Variants in DLGAP2 observed in about 807,000 individuals in gnomAD.
DLGAP2 encodes the protein DLG associated protein 2, also known as disks large-associated protein 2.
In DLGAP2, 26 loss-of-function variants were observed where a neutral mutation model predicts 100.3. The observed-to-expected ratio is 0.26, with a 90% CI of 0.19 to 0.36. DLGAP2 has a LOEUF of 0.36. Ranked by LOEUF, DLGAP2 falls within the 10% of genes least tolerant of loss-of-function variation. The probability of loss-of-function intolerance (pLI) is 1.00; values close to 1 mark genes in which losing one functional copy is unlikely to be tolerated. For missense variants in DLGAP2, 1,858 were observed against 1,453.2 expected (o/e 1.28, Z -4.53); for synonymous variants, 886 against 630.1 (o/e 1.41, Z -6.08).
rs760579742 is a variant in DLGAP2, at chr8:1,151,637, G to C, written c.74-107214G>C. Reference sequence around the variant, plus strand: ...GTGCACTGGCTTTAGGTAGAAAGGAGGAGGGCAGAGAGCTCTTCCGGTGCC... The same window carrying C: ...GTGCACTGGCTTTAGGTAGAAAGGACGAGGGCAGAGAGCTCTTCCGGTGCC... On this transcript the variant is annotated intron_variant, in intron 2 of 14. Coordinates refer to ENST00000637795, the MANE Select transcript of DLGAP2 (RefSeq NM_001346810.2). Among the ~76,000 whole-genome samples the C allele has an allele frequency of 6.8e-4, 103 of 152,340 alleles. No homozygotes were observed. In the Middle Eastern group the frequency reaches 0.014, roughly 20 times the overall value.
intron 8 of DLGAP2, among the ~76,000 whole-genome samples, chr8:1,654,145 G>A (rs1798229846): frequency 6.6e-6 from 1 of 152,158 alleles, no homozygotes; most frequent in African/African-American, 2.4e-5. Context: ...TACAACTTCA[G>A]TATAGATGTC....
intron 1 of DLGAP2, among the ~76,000 whole-genome samples, chr8:754,851 A>G (rs1820884299): frequency 6.6e-6 from 1 of 152,160 alleles, no homozygotes; most frequent in Non-Finnish European, 1.5e-5. Context: ...AAAAAGAAAG[A>G]AAAAAAGCAA....
chr8:1,120,424 A>T (rs978427954), intron 2 of DLGAP2, among the ~76,000 whole-genome samples: 13 of 152,194 alleles, frequency 8.5e-5, no homozygotes, highest in Non-Finnish European at 1.9e-4. Context: ...CTGGTATCTT[A>T]AGAATCCATG....
chr8:1,674,649 A>C lies in DLGAP2; in HGVS notation c.2203-1884A>C, dbSNP rs184267364. ...ATATCAGATTTGGCAATATCTACCA[A>C]AATTATAAAGTGCAAATACCTCTGA... On this transcript the variant is annotated intron_variant, in intron 10 of 14. Transcript: ENST00000637795. Among the ~76,000 whole-genome samples, 10 of 152,346 alleles carry C rather than the reference A, an allele frequency of 6.6e-5. No homozygotes were observed. The East Asian group carries it at 1.9e-3, about 29-fold the overall frequency.
intron 14 of DLGAP2, among the ~76,000 whole-genome samples, chr8:1,700,547 C>T (rs1799537549): frequency 1.3e-5 from 2 of 152,208 alleles, no homozygotes; most frequent in Admixed American, 6.5e-5. Context: ...TTATCTAAAA[C>T]GGCATACACG....
intron 4 of DLGAP2, among the ~76,000 whole-genome samples, chr8:1,507,121 C>A (rs1230058322): frequency 6.6e-6 from 1 of 152,252 alleles, no homozygotes; most frequent in Non-Finnish European, 1.5e-5. Flanking sequence ...GGATCCTGCG[C>A]TGGGGCCACG....
chr8:1,481,387 G>C (rs1466889750), intron 3 of DLGAP2, among the ~76,000 whole-genome samples: 2 of 151,540 alleles, frequency 1.3e-5, no homozygotes, highest in African/African-American at 4.8e-5. Context: ...CTTTCCAATG[G>C]CAAAGCCTTT....
At position 1,551,128 on chromosome 8, in the gene DLGAP2, C is replaced by T. The variant is rs1016519193; in HGVS notation, c.1230+1445C>T. Among the ~76,000 whole-genome samples, 14 of 152,248 alleles carry T rather than the reference C, an allele frequency of 9.2e-5. No individual in the cohort carries two copies. The East Asian group carries it at 2.3e-3, about 25-fold the overall frequency. ...GGAAATGCTAACCAAATTGCCTTTG[C>T]AGGCAGATTTATTCAGAGACAAATT... On this transcript the variant is annotated intron_variant, in intron 5 of 14. Transcript: ENST00000637795.
chr8:1,657,860 C>G (rs905971835), intron 8 of DLGAP2, among the ~76,000 whole-genome samples: 18 of 152,072 alleles, frequency 1.2e-4, no homozygotes, highest in African/African-American at 3.4e-4. Context: ...GGTATAAACC[C>G]TGGTCCTTTT....
At chr8:741,385 T>C (rs1820479594) in intron 1 of DLGAP2, among the ~76,000 whole-genome samples, 1 of 152,234 alleles carries the variant, frequency 6.6e-6, no homozygotes, top group Admixed American at 6.5e-5. Flanking sequence ...TCTTTTTTCA[T>C]GTCATTCTTC....
chr8:1,601,280 C>T (rs924541812), intron 6 of DLGAP2, among the ~76,000 whole-genome samples: 3 of 152,180 alleles, frequency 2.0e-5, no homozygotes, highest in Non-Finnish European at 2.9e-5. Context: ...AGATGCCAGC[C>T]GGAGCTCTCC....
At chr8:900,040 A>G (rs755986313) in intron 1 of DLGAP2, among the ~76,000 whole-genome samples, 10 of 152,238 alleles carry the variant, frequency 6.6e-5, no homozygotes, top group Non-Finnish European at 1.0e-4. Context: ...TGTGTTTGGA[A>G]ATAACTTCAC....
At chr8:1,579,969 G>T (rs774978844) in intron 6 of DLGAP2, among the ~76,000 whole-genome samples, 3 of 152,182 alleles carry the variant, frequency 2.0e-5, no homozygotes, top group Admixed American at 2.0e-4. Flanking sequence ...AGCCAGCTCT[G>T]CACCTGACCT....
At chr8:1,199,163 T>C (rs11991190) in intron 2 of DLGAP2, among the ~76,000 whole-genome samples, 60,307 of 152,058 alleles carry the variant, frequency 0.4, 12,029 homozygotes, top group Middle Eastern at 0.59. Flanking sequence ...TCTGAATTAC[T>C]GAAGAGAATT....
chr8:1,207,012 C>T (rs895217214), intron 2 of DLGAP2, among the ~76,000 whole-genome samples: 3 of 152,210 alleles, frequency 2.0e-5, no homozygotes, highest in Non-Finnish European at 4.4e-5. Flanking sequence ...CTGTCCCCAC[C>T]ACACACAGAG....
At chr8:776,930 G>A (rs1821535969) in intron 1 of DLGAP2, among the ~76,000 whole-genome samples, 1 of 152,114 alleles carries the variant, frequency 6.6e-6, no homozygotes, top group Non-Finnish European at 1.5e-5. Context: ...TCGTTGATCT[G>A]TCTAATGTTG....
At chr8:1,189,724 CGA>C (rs35865841) in intron 2 of DLGAP2, among the ~76,000 whole-genome samples, 20,803 of 152,104 alleles carry the variant, frequency 0.14, 1,801 homozygotes, top group Admixed American at 0.25. Flanking sequence ...GAAGCGAGCT[CGA>C]GTTATCCAAT....
intron 13 of DLGAP2, among the ~76,000 whole-genome samples, chr8:1,692,464 T>C (rs6998625): frequency 0.083 from 11,130 of 133,588 alleles, 836 homozygotes; most frequent in South Asian, 0.16. Flanking sequence ...GAGGTGGATA[T>C]GGCCCTGGTT....
At chr8:1,589,374 T>TTCTGTGTG (rs1796222397) in intron 6 of DLGAP2, among the ~76,000 whole-genome samples, 1 of 152,194 alleles carries the variant, frequency 6.6e-6, no homozygotes, top group Non-Finnish European at 1.5e-5. Context: ...GGAACAATAA[T>TTCTGTGTG]TCTGTGTGTT....
Sources: allele counts gnomAD v4.1 joint callset (sites outside exome capture counted in the v4.1 genomes callset), GRCh38; gene constraint gnomAD v4.1.1; transcripts MANE v1.5; gene names NCBI Gene and HGNC (gene_info 2026-07-23, HGNC 2026-07-21).